BAHCC1: variants seen among roughly 807,000 people sequenced by gnomAD.
The protein encoded by BAHCC1 is BAH and coiled-coil domain-containing protein 1.
A neutral mutation model predicts 88.2 loss-of-function variants in BAHCC1; 43 were observed. That is an observed-to-expected ratio of 0.49 (90% CI 0.38 to 0.63). BAHCC1 has a LOEUF of 0.63. Among genes scored for constraint, BAHCC1 ranks in the 20% least tolerant of loss-of-function variants. The probability of loss-of-function intolerance (pLI) is 0.00; values close to 1 mark genes in which losing one functional copy is unlikely to be tolerated. For missense variants in BAHCC1, 3,023 were observed against 1,654.8 expected (o/e 1.83, Z -14.34); for synonymous variants, 1,510 against 745.5 (o/e 2.03, Z -16.71).
At chr17:81,408,760 C>T (rs547000866) in intron 2 of BAHCC1, among the ~76,000 whole-genome samples, 3 of 152,236 alleles carry the variant, frequency 2.0e-5, no homozygotes, top group Admixed American at 6.5e-5. Context: ...GGCAGCAGCC[C>T]CTGCCCAGCC....
intron 2 of BAHCC1, among the ~76,000 whole-genome samples, chr17:81,404,619 A>G (rs2063857438): frequency 6.6e-6 from 1 of 152,248 alleles, no homozygotes; most frequent in South Asian, 2.1e-4. Context: ...AGGCACGGCT[A>G]TTTTAATTTG....
At chr17:81,414,534 CT>C (rs1180613733) in intron 2 of BAHCC1, among the ~76,000 whole-genome samples, 2 of 152,222 alleles carry the variant, frequency 1.3e-5, no homozygotes, top group African/African-American at 2.4e-5. Flanking sequence ...CCAGAGGTCC[CT>C]GCCTGAGCCA....
intron 26 of BAHCC1, 60 bp from the exon 27 acceptor site, chr17:81,462,677 GGCC>G (rs1404527708): frequency 2.1e-5 from 15 of 705,902 alleles, no homozygotes; most frequent in South Asian, 6.3e-5. Flanking sequence ...CATGCCTCCT[GGCC>G]GCCACCTGTC....
intron 2 of BAHCC1, among the ~76,000 whole-genome samples, chr17:81,417,247 G>A (rs2064044330): frequency 6.6e-6 from 1 of 152,194 alleles, no homozygotes; most frequent in Non-Finnish European, 1.5e-5. Context: ...TTTGGGGCGA[G>A]GAGACTCATC....
At chr17:81,401,192 C>T (rs2063812131) in intron 2 of BAHCC1, 1 of 152,392 alleles carries the variant, frequency 6.6e-6, no homozygotes, top group Non-Finnish European at 1.5e-5. Flanking sequence ...CGTACATTTT[C>T]TAGAAAAAAA....
chr17:81,428,346 G>A (rs2064223719), intron 3 of BAHCC1, among the ~76,000 whole-genome samples: 1 of 152,240 alleles, frequency 6.6e-6, no homozygotes, highest in East Asian at 1.9e-4. Flanking sequence ...TGGGAGGGAG[G>A]AGGGTGGCCT....
At chr17:81,396,912 C>G (rs1196435616) in intron 1 of BAHCC1, 2 of 152,316 alleles carry the variant, frequency 1.3e-5, no homozygotes, top group African/African-American at 4.8e-5. Context: ...TCAGCCCGAC[C>G]TGGCGCTGCG....
rs1245691337 is a variant in BAHCC1, at chr17:81,406,868, T to C, written c.178+6951T>C. On this transcript the variant is annotated intron_variant, in intron 2 of 27. Coordinates refer to ENST00000675386, the MANE Select transcript of BAHCC1 (RefSeq NM_001377448.1). ...GTGGGGAGGCGTCCAGCGCCCAAGCTGGGAGCCAGCCGGGCTGGCATGCTG... is the reference window on the plus strand; with the variant it reads ...GTGGGGAGGCGTCCAGCGCCCAAGCCGGGAGCCAGCCGGGCTGGCATGCTG... 7 of 456,112 alleles carry C rather than the reference T, an allele frequency of 1.5e-5. No individual in the cohort carries two copies. The East Asian group carries it at 4.9e-4, about 32-fold the overall frequency. The allele number at this position is 456,112 out of a possible 1,614,324, so 28.3% of individuals were successfully genotyped here. A position where few individuals can be genotyped will look rare whatever the true frequency, so the allele number is the denominator to read the frequency against.
intron 8 of BAHCC1, 71 bp from the exon 9 acceptor site, chr17:81,444,944 G>A: frequency 1.5e-6 from 1 of 684,538 alleles, no homozygotes; most frequent in Non-Finnish European, 2.7e-6. Context: ...CTGAGGAAAG[G>A]GTGGCGGGGA....
rs782238911 is a variant in BAHCC1, at chr17:81,451,662, G to A, written c.3977-6G>A. On this transcript the variant is annotated splice_polypyrimidine_tract_variant and splice_region_variant and intron_variant, in intron 11 of 27. Coordinates refer to ENST00000675386, the MANE Select transcript of BAHCC1 (RefSeq NM_001377448.1). ...ATGCCCATGCTGACCTTCCCATGCCGCACAGAGGAGGAAGAGGACGTGCTA... is the reference window on the plus strand; with the variant it reads ...ATGCCCATGCTGACCTTCCCATGCCACACAGAGGAGGAAGAGGACGTGCTA... 2.2e-5 allele frequency: 17 copies of A among 773,908 alleles called. No individual in the cohort carries two copies. Among genetic ancestry groups the A allele is most frequent in the African/African-American group, 1.4e-4 (8 of 59,124 alleles). The allele number at this position is 773,908 out of a possible 1,614,324, so 47.9% of individuals were successfully genotyped here.
chr17:81,411,534 T>G lies in BAHCC1; in HGVS notation c.178+11617T>G, dbSNP rs1409989994. The G allele has an allele frequency of 4.2e-3, 1,514 of 360,450 alleles. 12 individuals carry two copies. The highest frequency in any genetic ancestry group is 0.026 in the African/African-American group (1,055 of 41,290). The allele number at this position is 360,450 out of a possible 1,614,324, so 22.3% of individuals were successfully genotyped here. A position where few individuals can be genotyped will look rare whatever the true frequency, so the allele number is the denominator to read the frequency against. On this transcript the variant is annotated intron_variant, in intron 2 of 27. Coordinates refer to ENST00000675386, the MANE Select transcript of BAHCC1 (RefSeq NM_001377448.1). The surrounding 1 kb of genome is among the most constrained non-coding windows in gnomAD (Gnocchi z 6.2). ...TGCCTGCCTTCCTTCCTTCCTTCCT[T>G]CCTTCCTTCCTTCCTTCCTTCCTTC...
chr17:81,398,206 A>G (rs1555645237), intron 1 of BAHCC1, among the ~76,000 whole-genome samples: 2 of 152,234 alleles, frequency 1.3e-5, no homozygotes. Flanking sequence ...TAATATGTGA[A>G]GTGCGTCCAG....
At position 81,407,802 on chromosome 17, in the gene BAHCC1, A is replaced by G. The variant is rs549518777; in HGVS notation, c.178+7885A>G. ...CACACTCACAGATGTGGCAACATAC[A>G]CCTGCTCCTGTGTGCTCACACCATG... On this transcript the variant is annotated intron_variant, in intron 2 of 27. Transcript: ENST00000675386. Among the ~76,000 whole-genome samples, 3 of 152,278 alleles carry G rather than the reference A, an allele frequency of 2.0e-5. No homozygotes were observed. In the South Asian group the frequency reaches 6.2e-4, roughly 32 times the overall value.
Position 81,458,934 on chromosome 17 carries a change from G to A in BAHCC1, c.5570G>A (p.Ser1857Asn). 1 of 762,716 alleles carries A rather than the reference G, an allele frequency of 1.3e-6. No homozygotes were observed. The highest frequency in any genetic ancestry group is 2.5e-6 in the Non-Finnish European group (1 of 408,108). The allele number at this position is 762,716 out of a possible 1,614,324, so 47.2% of individuals were successfully genotyped here. A position where few individuals can be genotyped will look rare whatever the true frequency, so the allele number is the denominator to read the frequency against. The change falls in exon 20 of 28, where the codon AGC becomes AAC. Residue 1857 changes from serine to asparagine, a missense_variant. Coordinates refer to ENST00000675386, the MANE Select transcript of BAHCC1 (RefSeq NM_001377448.1). The part of the protein sequence containing the change: ...EEDEEEEEED[S>N]GPLSAEQSAA... The stretch of plus-strand genomic sequence containing the variant: ...GACGAGGAGGAAGAGGAGGAGGACA[G>A]CGGCCCTCTGAGCGCAGAGCAGAGC...
chr17:81,453,765 C>T (rs1433123095), intron 14 of BAHCC1, among the ~76,000 whole-genome samples: 2 of 152,238 alleles, frequency 1.3e-5, no homozygotes, highest in East Asian at 1.9e-4. Context: ...AAACTGAGTC[C>T]AGGACCCCTC....
At position 81,458,701 on chromosome 17, in the gene BAHCC1, G is replaced by C. The variant is rs374891771; in HGVS notation, c.5424G>C (p.Lys1808Asn). The change falls in exon 19 of 28, where the codon AAG (lysine) becomes AAC (asparagine). Residue 1808 changes from lysine (K) to asparagine (N), a missense_variant. Physicochemically the swap from Lys to Asn is moderately conservative, Grantham distance 94. Coordinates refer to ENST00000675386, the MANE Select transcript of BAHCC1 (RefSeq NM_001377448.1). ...TGGGGAAGGGCCGGAAGCTGAGCAA[G>C]GTGAAGCACAAGGCCGGCAAGCAGG... ...AILGKGRKLSKVKHKAGKQGK... is the reference protein window; with the variant it reads ...AILGKGRKLSNVKHKAGKQGK... 1 of 729,472 alleles carries C rather than the reference G, an allele frequency of 1.4e-6. No individual in the cohort carries two copies. Among genetic ancestry groups the C allele is most frequent in the Non-Finnish European group, 2.5e-6 (1 of 392,196 alleles). The allele number at this position is 729,472 out of a possible 1,614,324, so 45.2% of individuals were successfully genotyped here.
At chr17:81,427,230 G>A (rs1453895918) in intron 3 of BAHCC1, among the ~76,000 whole-genome samples, 5 of 151,904 alleles carry the variant, frequency 3.3e-5, no homozygotes, top group Non-Finnish European at 5.9e-5. Flanking sequence ...GGGCAGCAAG[G>A]GGAAACAGGG....
At chr17:81,396,430 G>C (rs2063746904) in intron 1 of BAHCC1, 1 of 152,122 alleles carries the variant, frequency 6.6e-6, no homozygotes, top group Non-Finnish European at 1.5e-5. Context: ...TTTTCTTCGG[G>C]CGCGGGGGTC....
chr17:81,464,040 G>A lies in BAHCC1; in HGVS notation c.*223G>A. 1 of 584,236 alleles carries A rather than the reference G, an allele frequency of 1.7e-6. No individual in the cohort carries two copies. Among genetic ancestry groups the A allele is most frequent in the South Asian group, 2.0e-5 (1 of 49,616 alleles). 36.2% of individuals were successfully genotyped at this position (584,236 alleles called of 1,614,324 possible). On this transcript the variant is annotated 3_prime_UTR_variant, in exon 28 of 28. Transcript: ENST00000675386. Reference sequence around the variant, plus strand: ...CCGTCCCATCCTCTGCGGAGGGTCGGGCTGTGGCCCTCATGGGTCCCCGGC... The same window carrying A: ...CCGTCCCATCCTCTGCGGAGGGTCGAGCTGTGGCCCTCATGGGTCCCCGGC...
Sources: allele counts gnomAD v4.1 joint callset (sites outside exome capture counted in the v4.1 genomes callset), GRCh38; gene constraint gnomAD v4.1.1; non-coding constraint Gnocchi (gnomAD v3.1); transcripts MANE v1.5; gene names NCBI Gene and HGNC (gene_info 2026-07-23, HGNC 2026-07-21).